Variants in NELL1 observed in about 807,000 individuals in gnomAD.
NELL1 encodes the protein protein kinase C-binding protein NELL1.
A neutral mutation model predicts 107.4 loss-of-function variants in NELL1; 76 were observed. That is an observed-to-expected ratio of 0.71 (90% CI 0.59 to 0.86). The LOEUF is 0.86. Among genes scored for constraint, NELL1 ranks in the 40% least tolerant of loss-of-function variants. NELL1 has a pLI of 0.00. For synonymous variants in NELL1, 353 were observed against 341.2 expected, an observed-to-expected ratio of 1.03 and a Z score of -0.38; for missense variants, 1,024 against 1,005.5, an observed-to-expected ratio of 1.02 and a Z score of -0.25.
chr11:21,150,973 G>A (rs756788470), intron 13 of NELL1, among the ~76,000 whole-genome samples: 3 of 152,088 alleles, frequency 2.0e-5, no homozygotes, highest in Non-Finnish European at 4.4e-5. Flanking sequence ...GGGCAAAGGA[G>A]GAAGTGCTAC....
intron 13 of NELL1, among the ~76,000 whole-genome samples, chr11:21,147,257 A>G (rs1856002413): frequency 1.3e-5 from 2 of 152,102 alleles, no homozygotes; most frequent in South Asian, 2.1e-4. Context: ...AAACAGATTT[A>G]TTTGCTGAGA....
chr11:21,285,124 C>G (rs1299719294), intron 14 of NELL1, among the ~76,000 whole-genome samples: 1 of 152,162 alleles, frequency 6.6e-6, no homozygotes, highest in Non-Finnish European at 1.5e-5. Context: ...TGAACCAAAA[C>G]TGATTTTTTT....
In NELL1 at chr11:20,669,924, C is replaced by A; in HGVS notation, c.55+146C>A. On this transcript the variant is annotated intron_variant, in intron 1 of 19. Coordinates refer to ENST00000357134, the MANE Select transcript of NELL1 (RefSeq NM_006157.5). This position sits in a 1 kb window ranked among gnomAD's most constrained non-coding sequence, Gnocchi z 4.4. ...CGGTTCCTGGGATCTCTTTGCCCTG[C>A]TCGGAGTGACAGGGTGAAAATAGGG... The A allele has an allele frequency of 1.5e-6, 1 of 685,812 alleles. No individual in the cohort carries two copies. The highest frequency in any genetic ancestry group is 2.6e-6 in the Non-Finnish European group (1 of 381,216). The allele number at this position is 685,812 out of a possible 1,614,324, so 42.5% of individuals were successfully genotyped here. A position where few individuals can be genotyped will look rare whatever the true frequency, so the allele number is the denominator to read the frequency against.
At chr11:21,384,837 A>G (rs1475057222) in intron 15 of NELL1, among the ~76,000 whole-genome samples, 2 of 151,902 alleles carry the variant, frequency 1.3e-5, no homozygotes, top group Non-Finnish European at 2.9e-5. Flanking sequence ...TTCTTAATCC[A>G]GTCTATCATT....
At chr11:21,376,403 C>G (rs1198669781) in intron 15 of NELL1, among the ~76,000 whole-genome samples, 2 of 151,930 alleles carry the variant, frequency 1.3e-5, no homozygotes, top group African/African-American at 2.4e-5. Flanking sequence ...TTCCATTGGT[C>G]TCTCTGTCTT....
intron 12 of NELL1, among the ~76,000 whole-genome samples, chr11:20,997,434 G>C (rs942248483): frequency 1.3e-5 from 2 of 152,188 alleles, no homozygotes; most frequent in Non-Finnish European, 2.9e-5. Flanking sequence ...GCTAAATGTA[G>C]CATGTTATCA....
chr11:21,364,055 T>A (rs987595504), intron 14 of NELL1, among the ~76,000 whole-genome samples: 1 of 152,170 alleles, frequency 6.6e-6, no homozygotes, highest in Non-Finnish European at 1.5e-5. Context: ...GTAGACATTT[T>A]CTTATATAAA....
rs1327695216 is a variant in NELL1, at chr11:21,337,179, G to T, written c.1550-33674G>T. ...ATTTCCTGAAAATGGAACCAAAATGGAGGGGCCTGGGGTGTACTAGTCAGT... is the reference window on the plus strand; with the variant it reads ...ATTTCCTGAAAATGGAACCAAAATGTAGGGGCCTGGGGTGTACTAGTCAGT... On this transcript the variant is annotated intron_variant, in intron 14 of 19. Transcript: ENST00000357134. Among the ~76,000 whole-genome samples the T allele has an allele frequency of 2.0e-5, 3 of 152,054 alleles. No homozygotes were observed. In the East Asian group the frequency reaches 5.8e-4, roughly 29 times the overall value.
At chr11:20,747,162 T>C (rs1406245490) in intron 2 of NELL1, among the ~76,000 whole-genome samples, 1 of 152,196 alleles carries the variant, frequency 6.6e-6, no homozygotes, top group Non-Finnish European at 1.5e-5. Context: ...ATTATTTAAA[T>C]AGTGAGAAAA....
At chr11:20,800,085 G>C (rs1857251990) in intron 3 of NELL1, among the ~76,000 whole-genome samples, 1 of 152,158 alleles carries the variant, frequency 6.6e-6, no homozygotes, top group East Asian at 1.9e-4. Context: ...ATACGTACTA[G>C]ATTTTCTTTA....
At chr11:20,920,910 C>T (rs544307328) in intron 7 of NELL1, among the ~76,000 whole-genome samples, 2 of 152,050 alleles carry the variant, frequency 1.3e-5, no homozygotes, top group East Asian at 3.9e-4. Flanking sequence ...TCTTCTAAAC[C>T]TCCCTTTGGC....
intron 15 of NELL1, among the ~76,000 whole-genome samples, chr11:21,417,518 C>G (rs1049636352): frequency 6.6e-6 from 1 of 151,638 alleles, no homozygotes. Context: ...AAACATGACC[C>G]TGTGGGTTTT....
At chr11:20,821,628 A>G (rs1223963813) in intron 3 of NELL1, among the ~76,000 whole-genome samples, 1 of 152,256 alleles carries the variant, frequency 6.6e-6, no homozygotes, top group Non-Finnish European at 1.5e-5. Context: ...GGATGAAGTT[A>G]GATCTCCACT....
intron 16 of NELL1, among the ~76,000 whole-genome samples, chr11:21,550,444 G>T (rs1405798144): frequency 2.0e-5 from 3 of 151,944 alleles, no homozygotes; most frequent in African/African-American, 7.3e-5. Flanking sequence ...GTAATACCTA[G>T]GTTTTCTTCT....
chr11:21,318,399 T>C (rs2133660580), intron 14 of NELL1, among the ~76,000 whole-genome samples: 1 of 152,286 alleles, frequency 6.6e-6, no homozygotes, highest in South Asian at 2.1e-4. Flanking sequence ...CACAGAATAG[T>C]TTACCTCTTC....
intron 14 of NELL1, among the ~76,000 whole-genome samples, chr11:21,268,429 C>T (rs1405041914): frequency 6.6e-6 from 1 of 152,094 alleles, no homozygotes; most frequent in African/African-American, 2.4e-5. Flanking sequence ...TTTAGCACAG[C>T]CTGAACTGTA....
intron 3 of NELL1, among the ~76,000 whole-genome samples, chr11:20,834,610 G>A (rs1848495467): frequency 6.6e-6 from 1 of 152,012 alleles, no homozygotes; most frequent in South Asian, 2.1e-4. Flanking sequence ...GGCTGAGGCA[G>A]GAGAATGGTG....
At chr11:21,199,352 T>C (rs764586207) in intron 13 of NELL1, among the ~76,000 whole-genome samples, 1 of 152,134 alleles carries the variant, frequency 6.6e-6, no homozygotes, top group East Asian at 1.9e-4. Context: ...CCAGGACATG[T>C]GGCTGGGAAA....
chr11:20,991,991 C>CAA (rs57278158), intron 12 of NELL1, among the ~76,000 whole-genome samples: 1,401 of 109,988 alleles, frequency 0.013, 12 homozygotes, highest in East Asian at 0.029. Flanking sequence ...GTGTAGCATG[C>CAA]AAAAAAAAAA....
Sources: gnomAD v4.1 joint callset for allele counts (sites outside exome capture counted in the v4.1 genomes callset) on GRCh38, gnomAD v4.1.1 for gene constraint, Gnocchi (gnomAD v3.1) non-coding constraint, MANE v1.5 for transcripts, NCBI Gene and HGNC (gene_info 2026-07-23, HGNC 2026-07-21) for gene names.